ADAMTS17: variants seen among roughly 807,000 people sequenced by gnomAD.
The protein encoded by ADAMTS17 is A disintegrin and metalloproteinase with thrombospondin motifs 17.
A neutral mutation model predicts 141.5 loss-of-function variants in ADAMTS17; 113 were observed. The ratio of observed to expected loss-of-function variants is 0.80; its 90% CI spans 0.69 to 0.93. The LOEUF (loss-of-function observed/expected upper bound fraction) is 0.93, where lower values mean the gene tolerates loss of function less well. ADAMTS17 is among the 40% of genes least tolerant of loss of function. ADAMTS17 has a pLI of 0.00. For synonymous variants in ADAMTS17, 768 were observed against 630.6 expected (o/e 1.22, Z -3.27); for missense variants, 1,659 against 1,517.9 (o/e 1.09, Z -1.54).
At chr15:100,208,663 G>C (rs1304303333) in intron 7 of ADAMTS17, among the ~76,000 whole-genome samples, 2 of 152,088 alleles carry the variant, frequency 1.3e-5, no homozygotes, top group Non-Finnish European at 2.9e-5. Flanking sequence ...AATATTCACT[G>C]AATAGTACAC....
Position 100,312,725 on chromosome 15 carries a change from T to C in ADAMTS17, c.616+18164A>G, listed in dbSNP as rs974338520. Among the ~76,000 whole-genome samples, 4 of 152,234 alleles carry C rather than the reference T, an allele frequency of 2.6e-5. No individual in the cohort carries two copies. In the East Asian group the frequency reaches 5.8e-4, roughly 22 times the overall value. ...CTTTCTGGAGAAGGTGACATCCAAA[T>C]TGGGCCTCCAAAACCAAGAGAGATT... On this transcript the variant is annotated intron_variant, in intron 3 of 21. Transcript: ENST00000268070.
chr15:100,281,117 C>CG, intron 4 of ADAMTS17, 112 bp downstream of exon 4: 1 of 1,461,240 alleles, frequency 6.8e-7, no homozygotes. Flanking sequence ...TCCCGTATCC[C>CG]CAACCCAGCG....
At chr15:100,199,615 C>T (rs893614841) in intron 7 of ADAMTS17, among the ~76,000 whole-genome samples, 192 bp from the exon 8 acceptor site, 3 of 152,166 alleles carry the variant, frequency 2.0e-5, no homozygotes, top group Non-Finnish European at 4.4e-5. Flanking sequence ...CAATAACCAC[C>T]GCAAGCATCC....
intron 7 of ADAMTS17, among the ~76,000 whole-genome samples, chr15:100,232,844 G>A (rs376399116): frequency 6.6e-6 from 1 of 152,142 alleles, no homozygotes; most frequent in African/African-American, 2.4e-5. Context: ...AGGCGGCGCA[G>A]ATCGATTCCA....
intron 2 of ADAMTS17, among the ~76,000 whole-genome samples, chr15:100,333,569 A>G (rs1348863985): frequency 1.3e-5 from 2 of 152,220 alleles, no homozygotes; most frequent in Admixed American, 6.5e-5. Flanking sequence ...CTGGACACCT[A>G]CTGCCTTGAT....
At chr15:100,315,313 C>A (rs1342041858) in intron 3 of ADAMTS17, among the ~76,000 whole-genome samples, 1 of 152,122 alleles carries the variant, frequency 6.6e-6, no homozygotes, top group Non-Finnish European at 1.5e-5. Context: ...CTTTTCTCTC[C>A]CCCCACCCTT....
intron 7 of ADAMTS17, among the ~76,000 whole-genome samples, chr15:100,200,587 C>T (rs1163827851): frequency 2.0e-5 from 3 of 152,208 alleles, no homozygotes; most frequent in Non-Finnish European, 4.4e-5. Flanking sequence ...TCGATATGCC[C>T]CTGTGTGACA....
intron 14 of ADAMTS17, among the ~76,000 whole-genome samples, chr15:100,100,885 A>C (rs8028471): frequency 0.25 from 37,145 of 148,344 alleles, 4,982 homozygotes; most frequent in African/African-American, 0.33. Flanking sequence ...TTCCTCCCCC[A>C]CTCCAGATGC....
intron 15 of ADAMTS17, among the ~76,000 whole-genome samples, chr15:100,075,362 G>A (rs1324909601): frequency 6.6e-6 from 1 of 152,072 alleles, no homozygotes; most frequent in Non-Finnish European, 1.5e-5. Flanking sequence ...CTTTGAGATG[G>A]GCTTATGGGA....
chr15:100,234,715 G>A (rs1325611464), intron 7 of ADAMTS17, among the ~76,000 whole-genome samples: 5 of 152,292 alleles, frequency 3.3e-5, no homozygotes, highest in East Asian at 1.9e-4. Context: ...CAACCAGCCC[G>A]TAAGGCAGCC....
Position 100,101,619 on chromosome 15 carries a change from C to T in ADAMTS17, c.2017-5143G>A, listed in dbSNP as rs577622096. 2.6e-5 allele frequency among the ~76,000 whole-genome samples: 4 copies of T among 152,354 alleles called. No homozygotes were observed. The South Asian group carries it at 6.2e-4, about 24-fold the overall frequency. On this transcript the variant is annotated intron_variant, in intron 14 of 21. Transcript: ENST00000268070. The stretch of plus-strand genomic sequence containing the variant: ...TCTGAGAATTCTTTGTATTCTTGGC[C>T]TTCCCCCATCCTCTGACACACACAG...
rs34259452 is a variant in ADAMTS17 at position 100,007,417 on chromosome 15, C to CT, written c.2592-9829dup. 1.6e-3 allele frequency among the ~76,000 whole-genome samples: 230 copies of CT among 146,532 alleles called. 1 individual carries two copies. The highest frequency in any genetic ancestry group is 2.4e-3 in the African/African-American group (96 of 39,798). On this transcript the variant is annotated intron_variant, in intron 18 of 21. Coordinates refer to ENST00000268070, the MANE Select transcript of ADAMTS17 (RefSeq NM_139057.4). ...GGGGACAACATGCCTTGGTAGAAGA[C>CT]TTTTTTTTTTTTTTGAGACGGAGAT...
chr15:100,197,277 C>T (rs2041155703), intron 8 of ADAMTS17, among the ~76,000 whole-genome samples: 1 of 152,240 alleles, frequency 6.6e-6, no homozygotes, highest in Admixed American at 6.5e-5. Flanking sequence ...CATTGCAGTT[C>T]ATGTAACTAT....
At chr15:100,124,908 T>A (rs577143211) in intron 12 of ADAMTS17, among the ~76,000 whole-genome samples, 1 of 152,312 alleles carries the variant, frequency 6.6e-6, no homozygotes, top group South Asian at 2.1e-4. Flanking sequence ...AAAGGTTTGC[T>A]GAGACCAACA....
chr15:99,975,370 C>T (rs899827128), intron 21 of ADAMTS17, among the ~76,000 whole-genome samples: 7 of 152,122 alleles, frequency 4.6e-5, no homozygotes, highest in South Asian at 2.1e-4. Flanking sequence ...CCACCACGCC[C>T]GGCTGATTTT....
At chr15:100,135,375 C>T (rs1386079749) in intron 10 of ADAMTS17, among the ~76,000 whole-genome samples, 1 of 151,934 alleles carries the variant, frequency 6.6e-6, no homozygotes. Flanking sequence ...GCTCCGCCTC[C>T]CAGGTTCACG....
intron 15 of ADAMTS17, among the ~76,000 whole-genome samples, chr15:100,088,122 A>G (rs528051532): frequency 1.5e-3 from 230 of 152,356 alleles, no homozygotes; most frequent in African/African-American, 5.3e-3. Flanking sequence ...CCTTGAGCTG[A>G]TAGGCAACTT....
intron 15 of ADAMTS17, among the ~76,000 whole-genome samples, chr15:100,077,647 C>T (rs2141785769): frequency 6.6e-6 from 1 of 152,250 alleles, no homozygotes; most frequent in South Asian, 2.1e-4. Flanking sequence ...CTACAAAACT[C>T]CACAGCTAAC....
chr15:100,035,692 A>T (rs2030638258), intron 18 of ADAMTS17, among the ~76,000 whole-genome samples: 2 of 151,606 alleles, frequency 1.3e-5, no homozygotes, highest in African/African-American at 4.9e-5. Flanking sequence ...TTCCAGAGGG[A>T]CCCCCAGAGA....
Sources: gnomAD v4.1 joint callset for allele counts (sites outside exome capture counted in the v4.1 genomes callset) on GRCh38, gnomAD v4.1.1 for gene constraint, MANE v1.5 for transcripts, NCBI Gene and HGNC (gene_info 2026-07-23, HGNC 2026-07-21) for gene names.